Variants in NRXN1 observed in about 807,000 individuals in gnomAD.
The protein encoded by NRXN1 is neurexin 1, also known as neurexin-1.
In NRXN1, 39 loss-of-function variants were observed where a neutral mutation model predicts 150.9. The observed-to-expected ratio is 0.26, with a 90% confidence interval of 0.20 to 0.34. The LOEUF (loss-of-function observed/expected upper bound fraction) is 0.34. NRXN1 is among the 10% of genes least tolerant of loss of function. NRXN1 has a pLI of 1.00. For missense variants in NRXN1, 1,815 were observed against 1,949.9 expected, an observed-to-expected ratio of 0.93 and a Z score of 1.30; for synonymous variants, 924 against 757.0, an observed-to-expected ratio of 1.22 and a Z score of -3.62.
rs548911545 is a variant in NRXN1, at chr2:51,007,164, T to C, written c.772+20338A>G. Among the ~76,000 whole-genome samples the C allele has an allele frequency of 1.4e-4, 21 of 152,122 alleles. No homozygotes were observed. In the South Asian group the frequency reaches 4.1e-3, roughly 30 times the overall value. On this transcript the variant is annotated intron_variant, in intron 2 of 22. Coordinates refer to ENST00000401669, the MANE Select transcript of NRXN1 (RefSeq NM_001330078.2). ...CGTCTCTTTTTATTTCAAAATTCTA[T>C]TTTGTAACAAATTACTTTGTTTCCA...
At chr2:49,943,876 A>G (rs975317315) in intron 21 of NRXN1, 85 bp from the exon 22 acceptor site, 1 of 1,024,130 alleles carries the variant, frequency 9.8e-7, no homozygotes. Context: ...GTGAAATACA[A>G]TTTGTTTATC....
chr2:50,871,325 A>C (rs980144197), intron 5 of NRXN1, among the ~76,000 whole-genome samples: 1 of 151,800 alleles, frequency 6.6e-6, no homozygotes, highest in Non-Finnish European at 1.5e-5. Flanking sequence ...GTTTTTTCTA[A>C]AAAGCCCTAT....
At chr2:50,426,937 T>G (rs1851012) in intron 17 of NRXN1, among the ~76,000 whole-genome samples, 43,000 of 152,044 alleles carry the variant, frequency 0.28, 6,267 homozygotes, top group East Asian at 0.39. Context: ...CAGCACTTAA[T>G]GTACCTGTAA....
At chr2:49,982,407 A>C (rs1443928411) in intron 21 of NRXN1, among the ~76,000 whole-genome samples, 1 of 152,122 alleles carries the variant, frequency 6.6e-6, no homozygotes, top group African/African-American at 2.4e-5. Context: ...TGCTTCCAGC[A>C]CATATGAAAT....
chr2:50,816,216 T>C (rs1215145125), intron 5 of NRXN1, among the ~76,000 whole-genome samples: 2 of 152,068 alleles, frequency 1.3e-5, no homozygotes, highest in African/African-American at 4.8e-5. Context: ...ACATGGCCAT[T>C]ATCTATTATG....
intron 2 of NRXN1, among the ~76,000 whole-genome samples, chr2:50,979,969 T>C (rs190776936): frequency 3.0e-3 from 458 of 152,196 alleles, no homozygotes; most frequent in Non-Finnish European, 5.3e-3. Context: ...CTATAAATAA[T>C]ATAATTAAAT....
At chr2:50,509,055 C>A (rs1310551445) in intron 12 of NRXN1, among the ~76,000 whole-genome samples, 1 of 152,128 alleles carries the variant, frequency 6.6e-6, no homozygotes, top group East Asian at 1.9e-4. Flanking sequence ...TGTTGTCTTG[C>A]TTCACCTTTA....
chr2:50,402,952 A>C (rs2082494888), intron 17 of NRXN1, among the ~76,000 whole-genome samples: 1 of 152,136 alleles, frequency 6.6e-6, no homozygotes, highest in Non-Finnish European at 1.5e-5. Flanking sequence ...GTGTACTTAA[A>C]ATGATATAGC....
At chr2:50,126,067 T>G (rs1362281270) in intron 18 of NRXN1, among the ~76,000 whole-genome samples, 1 of 152,128 alleles carries the variant, frequency 6.6e-6, no homozygotes, top group African/African-American at 2.4e-5. Flanking sequence ...ATTACAGTCT[T>G]AGAAATAAAA....
chr2:50,166,900 T>C (rs1411026774), intron 18 of NRXN1, among the ~76,000 whole-genome samples: 4 of 152,080 alleles, frequency 2.6e-5, no homozygotes, highest in African/African-American at 9.7e-5. Context: ...AAAACATTTG[T>C]TGAGGGTAGA....
At chr2:51,030,309 G>C (rs1035574880) in intron 1 of NRXN1, among the ~76,000 whole-genome samples, 3 of 151,292 alleles carry the variant, frequency 2.0e-5, no homozygotes, top group African/African-American at 7.3e-5. Context: ...TTTATTGTCT[G>C]GATGTAGAAG....
intron 17 of NRXN1, among the ~76,000 whole-genome samples, chr2:50,334,192 A>ATTTTATACATATATATATATATAT (rs1553457970): frequency 1.0e-4 from 12 of 118,996 alleles, no homozygotes; most frequent in African/African-American, 4.3e-4. Context: ...ACCAGGACCA[A>ATTTTATACATATATATATATATAT]ATATATATAT....
At chr2:50,183,283 GTTA>G (rs1342431681) in intron 18 of NRXN1, among the ~76,000 whole-genome samples, 12 of 152,036 alleles carry the variant, frequency 7.9e-5, no homozygotes, top group Admixed American at 2.0e-4. Context: ...AGGTTTGAAA[GTTA>G]ATTTCAAAGG....
At chr2:50,624,333 C>T (rs928039102) in intron 5 of NRXN1, among the ~76,000 whole-genome samples, 21 of 152,140 alleles carry the variant, frequency 1.4e-4, no homozygotes, top group African/African-American at 4.8e-4. Flanking sequence ...GAAAGTAGTT[C>T]TGTGATATCT....
chr2:50,413,412 T>A (rs2083324612), intron 17 of NRXN1, among the ~76,000 whole-genome samples: 1 of 151,872 alleles, frequency 6.6e-6, no homozygotes, highest in African/African-American at 2.4e-5. Flanking sequence ...CAAACAGGTA[T>A]ATGAAAAAGT....
chr2:50,100,818 A>G (rs190420573), intron 18 of NRXN1, among the ~76,000 whole-genome samples: 10 of 152,198 alleles, frequency 6.6e-5, no homozygotes, highest in African/African-American at 2.4e-4. Flanking sequence ...TTGCCTTTAA[A>G]TGTGTCCTTA....
rs1438833801 is a variant in NRXN1 at position 49,922,277 on chromosome 2, C to T, written c.4217-26G>A. 3 of 1,600,330 alleles carry T rather than the reference C, an allele frequency of 1.9e-6. No homozygotes were observed. In the South Asian group the frequency reaches 3.3e-5, roughly 18 times the overall value. ...CTATAGAAAAGAGGATGAGAACAAACACAAAGTGATCATTGAGTTCACTGA... is the reference window on the plus strand; with the variant it reads ...CTATAGAAAAGAGGATGAGAACAAATACAAAGTGATCATTGAGTTCACTGA... On this transcript the variant is annotated intron_variant, in intron 22 of 22. Coordinates refer to ENST00000401669, the MANE Select transcript of NRXN1 (RefSeq NM_001330078.2).
chr2:50,772,269 T>C (rs897069132), intron 5 of NRXN1, among the ~76,000 whole-genome samples: 1 of 151,730 alleles, frequency 6.6e-6, no homozygotes, highest in African/African-American at 2.4e-5. Flanking sequence ...GTTGGATATA[T>C]TGCAGGGTTT....
At chr2:50,695,613 G>A (rs918719509) in intron 5 of NRXN1, among the ~76,000 whole-genome samples, 5 of 152,056 alleles carry the variant, frequency 3.3e-5, no homozygotes, top group African/African-American at 7.2e-5. Context: ...TGTACAAAAC[G>A]AGAAACAAAA....
Sources: allele counts gnomAD v4.1 joint callset (sites outside exome capture counted in the v4.1 genomes callset), GRCh38; gene constraint gnomAD v4.1.1; transcripts MANE v1.5; gene names NCBI Gene and HGNC (gene_info 2026-07-23, HGNC 2026-07-21).